TENM4: variants seen among roughly 807,000 people sequenced by gnomAD.
The protein encoded by TENM4 is teneurin transmembrane protein 4, also known as teneurin-4.
TENM4 carries 82 observed loss-of-function variants against 243.3 expected under a neutral mutation model. The observed-to-expected ratio is 0.34, with a 90% CI of 0.28 to 0.40. The LOEUF (loss-of-function observed/expected upper bound fraction) is 0.40, where lower values mean the gene tolerates loss of function less well. Among genes scored for constraint, TENM4 ranks in the 10% least tolerant of loss-of-function variants. The pLI is 1.00. For synonymous variants in TENM4, 1,412 were observed against 1,456.3 expected (o/e 0.97, Z 0.69); for missense variants, 3,138 against 3,673.3 (o/e 0.85, Z 3.77).
chr11:79,138,310 T>TTTATATATATATATATATA (rs1850672806), intron 4 of TENM4, among the ~76,000 whole-genome samples: 1 of 106,120 alleles, frequency 9.4e-6, no homozygotes, highest in Non-Finnish European at 1.8e-5. Context: ...TAAACTCCCC[T>TTTATATATATATATATATA]TTATATATAT....
intron 1 of TENM4, among the ~76,000 whole-genome samples, chr11:79,310,186 A>T (rs1856695972): frequency 6.6e-6 from 1 of 152,210 alleles, no homozygotes; most frequent in Non-Finnish European, 1.5e-5. Flanking sequence ...AATGAAACAG[A>T]GGCCAAATAA....
intron 19 of TENM4, among the ~76,000 whole-genome samples, chr11:78,754,144 G>T (rs1046181631): frequency 2.6e-5 from 4 of 152,182 alleles, no homozygotes; most frequent in East Asian, 3.9e-4. Flanking sequence ...GTTTACAGGG[G>T]TTGACAGACA....
chr11:79,290,606 G>A (rs950521281), intron 2 of TENM4, among the ~76,000 whole-genome samples: 3 of 152,040 alleles, frequency 2.0e-5, no homozygotes, highest in African/African-American at 4.8e-5. Flanking sequence ...CAGGGATCTC[G>A]GTGGTGATCA....
At chr11:78,865,041 T>C (rs1400603658) in intron 9 of TENM4, among the ~76,000 whole-genome samples, 1 of 152,144 alleles carries the variant, frequency 6.6e-6, no homozygotes, top group Non-Finnish European at 1.5e-5. Context: ...GGGGAACTTG[T>C]ATATATTAAT....
chr11:79,255,351 C>T (rs1339082425), intron 2 of TENM4, among the ~76,000 whole-genome samples: 1 of 152,130 alleles, frequency 6.6e-6, no homozygotes. Flanking sequence ...CTCTCATGTT[C>T]CTAACGCCTC....
At chr11:79,307,958 G>A (rs1300188645) in intron 1 of TENM4, among the ~76,000 whole-genome samples, 2 of 152,238 alleles carry the variant, frequency 1.3e-5, no homozygotes, top group African/African-American at 4.8e-5. Flanking sequence ...CCCATCCTGG[G>A]CTTCTCAGAC....
chr11:79,172,868 T>G (rs1335865071), intron 3 of TENM4, among the ~76,000 whole-genome samples: 1 of 151,996 alleles, frequency 6.6e-6, no homozygotes, highest in Non-Finnish European at 1.5e-5. Context: ...CTGCAACTCC[T>G]GACCTCAACT....
chr11:79,343,875 A>G (rs887664507), intron 1 of TENM4, among the ~76,000 whole-genome samples: 3 of 152,200 alleles, frequency 2.0e-5, no homozygotes, highest in Admixed American at 6.5e-5. Context: ...GGTCTGCAGG[A>G]GCCTGGATCT....
At chr11:79,130,556 G>A (rs920814373) in intron 4 of TENM4, among the ~76,000 whole-genome samples, 6 of 152,200 alleles carry the variant, frequency 3.9e-5, no homozygotes, top group Non-Finnish European at 7.3e-5. Flanking sequence ...AGGTGCAGTG[G>A]CTCATGCCTG....
intron 1 of TENM4, among the ~76,000 whole-genome samples, chr11:79,419,433 T>G (rs1858885118): frequency 6.6e-6 from 1 of 152,142 alleles, no homozygotes; most frequent in Admixed American, 6.5e-5. Flanking sequence ...GGCACGGGGA[T>G]GGATGTGTTC....
chr11:79,260,990 G>T (rs1394315826), intron 2 of TENM4, among the ~76,000 whole-genome samples: 1 of 152,172 alleles, frequency 6.6e-6, no homozygotes, highest in Non-Finnish European at 1.5e-5. Context: ...TGAAAATGAG[G>T]CAATTTAGAG....
At chr11:78,662,085 C>T (rs552157313) in intron 32 of TENM4, among the ~76,000 whole-genome samples, 8 of 152,242 alleles carry the variant, frequency 5.3e-5, no homozygotes, top group South Asian at 2.1e-4. Context: ...CAAAGTCCCA[C>T]GGGTTACAGA....
At chr11:79,434,036 G>C (rs1450398564) in intron 1 of TENM4, among the ~76,000 whole-genome samples, 1 of 152,146 alleles carries the variant, frequency 6.6e-6, no homozygotes, top group South Asian at 2.1e-4. Flanking sequence ...TCCCCCACTG[G>C]TTCCACTGAA....
chr11:79,109,591 G>A (rs545137955), intron 4 of TENM4, among the ~76,000 whole-genome samples: 1 of 152,194 alleles, frequency 6.6e-6, no homozygotes, highest in Non-Finnish European at 1.5e-5. Context: ...CCACGCAAGC[G>A]AGCCAGGCAA....
In TENM4 at chr11:78,729,682, C is replaced by A. The variant is rs374121195; in HGVS notation, c.3139-39G>T. On this transcript the variant is annotated intron_variant, in intron 21 of 33. Coordinates refer to ENST00000278550, the MANE Select transcript of TENM4 (RefSeq NM_001098816.3). ...GCAGATCACAGCAAGGGACGGTCGT[C>A]GACTCACCGAGTGGAGGGAAGATGG... The A allele has an allele frequency of 7.0e-6, 11 of 1,562,100 alleles. No individual in the cohort carries two copies. In the African/African-American group the frequency reaches 1.4e-4, roughly 19 times the overall value.
intron 1 of TENM4, among the ~76,000 whole-genome samples, chr11:79,430,481 C>G (rs1020721843): frequency 3.9e-5 from 6 of 152,326 alleles, no homozygotes; most frequent in Admixed American, 6.5e-5. Flanking sequence ...GATGCCTACT[C>G]TCCCTCTTCT....
intron 12 of TENM4, among the ~76,000 whole-genome samples, chr11:78,840,400 C>T (rs1013698960): frequency 6.6e-6 from 1 of 152,132 alleles, no homozygotes; most frequent in African/African-American, 2.4e-5. Context: ...CTTCTTTTAG[C>T]CGAGAACATG....
chr11:79,272,769 T>G (rs1855991685), intron 2 of TENM4, among the ~76,000 whole-genome samples: 1 of 152,180 alleles, frequency 6.6e-6, no homozygotes. Context: ...AAGCTTCCCC[T>G]GGCCTGAGTT....
intron 4 of TENM4, among the ~76,000 whole-genome samples, chr11:79,079,731 A>T (rs1170801004): frequency 6.7e-6 from 1 of 150,096 alleles, no homozygotes; most frequent in Non-Finnish European, 1.5e-5. Context: ...CAGGAGGCTG[A>T]GGCATGAGAA....
Sources: allele counts gnomAD v4.1 joint callset (sites outside exome capture counted in the v4.1 genomes callset), GRCh38; gene constraint gnomAD v4.1.1; transcripts MANE v1.5; gene names NCBI Gene and HGNC (gene_info 2026-07-23, HGNC 2026-07-21).